Variants in COLEC12 observed in about 807,000 individuals in gnomAD.
COLEC12 encodes collectin-12.
Under a neutral mutation model 71.1 loss-of-function variants are expected in COLEC12, and 33 were observed. The ratio of observed to expected loss-of-function variants is 0.46; its 90% CI spans 0.35 to 0.62. The LOEUF (loss-of-function observed/expected upper bound fraction) is 0.62. Among genes scored for constraint, COLEC12 ranks in the 20% least tolerant of loss-of-function variants. The pLI is 0.00. For synonymous variants in COLEC12, 350 were observed against 353.0 expected, an observed-to-expected ratio of 0.99 and a Z score of 0.10; for missense variants, 765 against 916.1, an observed-to-expected ratio of 0.84 and a Z score of 2.13.
chr18:345,307 A>C (rs956366740), intron 5 of COLEC12, among the ~76,000 whole-genome samples: 1 of 152,234 alleles, frequency 6.6e-6, no homozygotes, highest in Admixed American at 6.5e-5. Context: ...ACTTAGTCTG[A>C]GTCAAGGACT....
chr18:461,195 T>C (rs1343933487), intron 2 of COLEC12, among the ~76,000 whole-genome samples: 5 of 152,178 alleles, frequency 3.3e-5, no homozygotes, highest in Non-Finnish European at 5.9e-5. Context: ...CATTGTCCAA[T>C]AGAAATATAA....
At chr18:476,050 C>G (rs1237183298) in intron 2 of COLEC12, among the ~76,000 whole-genome samples, 1 of 152,184 alleles carries the variant, frequency 6.6e-6, no homozygotes, top group Non-Finnish European at 1.5e-5. Flanking sequence ...GAAGCTATAG[C>G]TATAGAGAGA....
chr18:407,421 T>C (rs1915812013), intron 2 of COLEC12, among the ~76,000 whole-genome samples: 1 of 152,170 alleles, frequency 6.6e-6, no homozygotes, highest in South Asian at 2.1e-4. Flanking sequence ...GGAGAGTTGA[T>C]GGCGCTAGTT....
At chr18:442,019 AC>A (rs1399075216) in intron 2 of COLEC12, among the ~76,000 whole-genome samples, 3 of 142,818 alleles carry the variant, frequency 2.1e-5, no homozygotes, top group African/African-American at 7.4e-5. Flanking sequence ...ACACACACAC[AC>A]ACACACACAC....
chr18:380,154 A>C (rs898813952), intron 2 of COLEC12, among the ~76,000 whole-genome samples: 2 of 152,184 alleles, frequency 1.3e-5, no homozygotes, highest in Non-Finnish European at 2.9e-5. Flanking sequence ...AATTCATAGC[A>C]TGGCATATGA....
chr18:480,590 G>A lies in COLEC12; in HGVS notation c.58+117C>T. On this transcript the variant is annotated intron_variant, in intron 2 of 9. Transcript: ENST00000400256. The surrounding 1 kb of genome is among the most constrained non-coding windows in gnomAD (Gnocchi z 4.1). ...TTTCCAACCAAAATTGGACCTCAGA[G>A]CCACAAACACCCATGTGCATGAAGG... The A allele has an allele frequency of 1.1e-6, 1 of 909,134 alleles. No individual in the cohort carries two copies. Among genetic ancestry groups the A allele is most frequent in the East Asian group, 2.4e-5 (1 of 41,452 alleles). 56.3% of individuals were successfully genotyped at this position (909,134 alleles called of 1,614,324 possible).
rs1331725632 is a variant in COLEC12 at position 316,884 on chromosome 18, A to G, written c.*3161T>C. Reference sequence around the variant, plus strand: ...TGAAGACCCCATCATATTTTACTAAAACTCTCCACTCCAAAAGAGCATCAG... The same window carrying G: ...TGAAGACCCCATCATATTTTACTAAGACTCTCCACTCCAAAAGAGCATCAG... On this transcript the variant is annotated 3_prime_UTR_variant, in exon 10 of 10. Coordinates refer to ENST00000400256, the MANE Select transcript of COLEC12 (RefSeq NM_130386.3). 6.6e-6 allele frequency: 1 copy of G among 150,754 alleles called. No individual in the cohort carries two copies. Among genetic ancestry groups the G allele is most frequent in the African/African-American group, 2.4e-5 (1 of 41,272 alleles). 9.3% of individuals were successfully genotyped at this position (150,754 alleles called of 1,614,324 possible).
intron 7 of COLEC12, among the ~76,000 whole-genome samples, chr18:332,404 G>T (rs1241876341): frequency 2.0e-5 from 3 of 152,214 alleles, no homozygotes; most frequent in Admixed American, 6.5e-5. Flanking sequence ...GCGCTGCATT[G>T]TTGCTAGATG....
chr18:412,481 G>GAA (rs201793548), intron 2 of COLEC12, among the ~76,000 whole-genome samples: 2 of 106,572 alleles, frequency 1.9e-5, no homozygotes, highest in African/African-American at 3.4e-5. Context: ...GCTCTAAACA[G>GAA]AAAAAAAAAA....
chr18:478,822 A>C (rs1457150975), intron 2 of COLEC12, among the ~76,000 whole-genome samples: 2 of 151,588 alleles, frequency 1.3e-5, no homozygotes, highest in African/African-American at 4.9e-5. Context: ...GCTTGGCATC[A>C]CTCTCTTCCA....
At chr18:472,339 C>T (rs1194625463) in intron 2 of COLEC12, among the ~76,000 whole-genome samples, 2 of 152,140 alleles carry the variant, frequency 1.3e-5, no homozygotes, top group Non-Finnish European at 2.9e-5. Context: ...TTATTCTTTA[C>T]TGATGGCCAC....
intron 2 of COLEC12, among the ~76,000 whole-genome samples, chr18:397,826 GATTGGCCC>G (rs1915602487): frequency 6.6e-6 from 1 of 152,210 alleles, no homozygotes; most frequent in Non-Finnish European, 1.5e-5. Context: ...AAAGGCCAAA[GATTGGCCC>G]ATTCAGTTAG....
intron 5 of COLEC12, among the ~76,000 whole-genome samples, chr18:342,962 T>G (rs550581836): frequency 6.6e-6 from 1 of 152,278 alleles, no homozygotes; most frequent in East Asian, 1.9e-4. Flanking sequence ...ATGGGCCTCT[T>G]TTTCTGCAGC....
In COLEC12 at chr18:343,096, CA is replaced by C. The variant is rs67004772; in HGVS notation, c.1327+3198del. The stretch of plus-strand genomic sequence containing the variant: ...GCAGGTCCTGCCTGCCAGTCTCGTC[CA>C]GACACTCACACCAACCCCCTACCAT... On this transcript the variant is annotated intron_variant, in intron 5 of 9. Coordinates refer to ENST00000400256, the MANE Select transcript of COLEC12 (RefSeq NM_130386.3). Among the ~76,000 whole-genome samples the C allele has an allele frequency of 3.8e-3, 578 of 152,292 alleles. 5 individuals carry two copies. Among genetic ancestry groups the C allele is most frequent in the African/African-American group, 0.013 (558 of 41,558 alleles).
chr18:379,732 G>T (rs1188680530), intron 2 of COLEC12, among the ~76,000 whole-genome samples: 1 of 152,172 alleles, frequency 6.6e-6, no homozygotes, highest in African/African-American at 2.4e-5. Context: ...ATGCATGATG[G>T]TTCGGTCGAG....
intron 1 of COLEC12, among the ~76,000 whole-genome samples, chr18:492,732 G>A (rs1218999399): frequency 2.0e-5 from 3 of 151,686 alleles, no homozygotes; most frequent in Non-Finnish European, 4.4e-5. Flanking sequence ...AAATAACACC[G>A]ATACGTCTTT....
intron 2 of COLEC12, among the ~76,000 whole-genome samples, chr18:393,117 T>G (rs564414792): frequency 6.6e-6 from 1 of 152,370 alleles, no homozygotes; most frequent in Admixed American, 6.5e-5. Flanking sequence ...GGCTGAATTG[T>G]TCTGGTCCCA....
chr18:499,761 G>A (rs1917783033), intron 1 of COLEC12, among the ~76,000 whole-genome samples: 1 of 152,202 alleles, frequency 6.6e-6, no homozygotes, highest in Non-Finnish European at 1.5e-5. Flanking sequence ...AGTCCTTCTC[G>A]TGCTTCTTTC....
intron 2 of COLEC12, among the ~76,000 whole-genome samples, chr18:427,448 G>C (rs765609745): frequency 6.6e-6 from 1 of 152,200 alleles, no homozygotes; most frequent in South Asian, 2.1e-4. Context: ...TCAAGTCCAC[G>C]TTGATAGGTG....
Sources: gnomAD v4.1 joint callset for allele counts (sites outside exome capture counted in the v4.1 genomes callset) on GRCh38, gnomAD v4.1.1 for gene constraint, Gnocchi (gnomAD v3.1) non-coding constraint, MANE v1.5 for transcripts, NCBI Gene and HGNC (gene_info 2026-07-23, HGNC 2026-07-21) for gene names.